RBM20: variants seen among roughly 807,000 people sequenced by gnomAD.
The protein encoded by RBM20 is RNA-binding protein 20.
RBM20 carries 51 observed loss-of-function variants against 110.1 expected under a neutral mutation model. The observed-to-expected ratio is 0.46, with a 90% CI of 0.37 to 0.59. The LOEUF (loss-of-function observed/expected upper bound fraction) is 0.59, where lower values mean the gene tolerates loss of function less well. RBM20 is among the 20% of genes least tolerant of loss of function. The pLI, the probability that RBM20 is intolerant of heterozygous loss-of-function variation, is 0.00. For synonymous variants in RBM20, 589 were observed against 618.2 expected (o/e 0.95, Z 0.70); for missense variants, 1,512 against 1,574.9 (o/e 0.96, Z 0.68).
chr10:110,705,600 A>C (rs1168607440), intron 1 of RBM20, among the ~76,000 whole-genome samples: 1 of 152,256 alleles, frequency 6.6e-6, no homozygotes, highest in African/African-American at 2.4e-5. Flanking sequence ...GCAACTACAA[A>C]TCCAAGAGTT....
intron 1 of RBM20, among the ~76,000 whole-genome samples, chr10:110,684,261 G>A (rs1234328818): frequency 1.3e-5 from 2 of 152,108 alleles, no homozygotes; most frequent in African/African-American, 4.8e-5. Flanking sequence ...CGGGTGTGGT[G>A]GAGCACACCT....
chr10:110,651,538 A>G (rs1861949383), intron 1 of RBM20, among the ~76,000 whole-genome samples: 1 of 152,230 alleles, frequency 6.6e-6, no homozygotes, highest in South Asian at 2.1e-4. Context: ...AGACAGAGAT[A>G]ATAATTTTCA....
chr10:110,657,174 G>A lies in RBM20; in HGVS notation c.191+12529G>A, dbSNP rs186695115. On this transcript the variant is annotated intron_variant, in intron 1 of 13. Coordinates refer to ENST00000369519, the MANE Select transcript of RBM20 (RefSeq NM_001134363.3). ...TGGGACTACAGGCCCATGCCACCAC[G>A]CCTGGCTAATTTTTGTATTTTTAGT... is the stretch of plus-strand genomic sequence containing the variant. 9.9e-5 allele frequency among the ~76,000 whole-genome samples: 15 copies of A among 151,974 alleles called. No homozygotes were observed. In the East Asian group the frequency reaches 2.1e-3, roughly 22 times the overall value.
At chr10:110,807,253 GA>G (rs1844706008) in intron 7 of RBM20, among the ~76,000 whole-genome samples, 1 of 152,192 alleles carries the variant, frequency 6.6e-6, no homozygotes, top group African/African-American at 2.4e-5. Context: ...CCTCACTGGG[GA>G]CCTGGGATCC....
At chr10:110,761,072 G>C (rs1388136621) in intron 1 of RBM20, 1 of 142,580 alleles carries the variant, frequency 7.0e-6, no homozygotes, top group Non-Finnish European at 1.5e-5. Flanking sequence ...ACTCCAGCCT[G>C]GGCAACAAGA....
chr10:110,802,838 A>G (rs1382051683), intron 7 of RBM20, among the ~76,000 whole-genome samples: 1 of 152,218 alleles, frequency 6.6e-6, no homozygotes, highest in African/African-American at 2.4e-5. Flanking sequence ...CAACCATGTG[A>G]CCTATCCTAG....
At chr10:110,784,939 T>C in intron 5 of RBM20, 50 bp downstream of exon 5, 1 of 1,203,796 alleles carries the variant, frequency 8.3e-7, no homozygotes, top group Non-Finnish European at 1.2e-6. Flanking sequence ...GATTATTAGT[T>C]TATTTATTTG....
intron 1 of RBM20, among the ~76,000 whole-genome samples, chr10:110,752,947 T>TATATATATA (rs1564835271): frequency 7.1e-4 from 65 of 91,548 alleles, no homozygotes; most frequent in African/African-American, 2.6e-3. Context: ...ATATATATAT[T>TATATATATA]TTTTTTTTTT....
At chr10:110,648,058 T>C (rs1047065090) in intron 1 of RBM20, among the ~76,000 whole-genome samples, 22 of 152,376 alleles carry the variant, frequency 1.4e-4, no homozygotes, top group Non-Finnish European at 3.2e-4. Flanking sequence ...TCAGGTTGCA[T>C]ATTTAATTTG....
chr10:110,700,070 A>G (rs1336029357), intron 1 of RBM20, among the ~76,000 whole-genome samples: 1 of 152,158 alleles, frequency 6.6e-6, no homozygotes, highest in Admixed American at 6.5e-5. Flanking sequence ...TTATTTCTGG[A>G]ATTTTCCATG....
intron 1 of RBM20, among the ~76,000 whole-genome samples, chr10:110,766,318 T>G (rs202074752): frequency 4.7e-5 from 7 of 149,182 alleles, no homozygotes; most frequent in South Asian, 2.1e-4. Flanking sequence ...ACTTTGTTTT[T>G]TTTTTTGTTT....
chr10:110,788,197 A>G (rs1449504969), intron 5 of RBM20, among the ~76,000 whole-genome samples: 1 of 152,088 alleles, frequency 6.6e-6, no homozygotes, highest in African/African-American at 2.4e-5. Context: ...CCTCCTCTTT[A>G]GTAAGCCCCT....
chr10:110,824,753 C>T (rs1420297467), intron 12 of RBM20, among the ~76,000 whole-genome samples: 5 of 152,206 alleles, frequency 3.3e-5, no homozygotes, highest in Admixed American at 6.5e-5. Flanking sequence ...TTTGAGTCCC[C>T]TCGCATTAGC....
At chr10:110,784,720 G>C in intron 4 of RBM20, 72 bp from the exon 5 acceptor site, 2 of 992,084 alleles carry the variant, frequency 2.0e-6, no homozygotes, top group African/African-American at 1.6e-5. Flanking sequence ...TTCTATGCCT[G>C]CTTATGTCCT....
chr10:110,725,537 T>A (rs937102366), intron 1 of RBM20, among the ~76,000 whole-genome samples: 3 of 152,230 alleles, frequency 2.0e-5, no homozygotes, highest in Non-Finnish European at 2.9e-5. Context: ...TTATTTAGAT[T>A]GATGAACTTT....
chr10:110,832,630 C>T (rs544452382), intron 13 of RBM20, among the ~76,000 whole-genome samples: 60 of 152,174 alleles, frequency 3.9e-4, no homozygotes, highest in Non-Finnish European at 6.3e-4. Flanking sequence ...TCCAAGTCCA[C>T]ACAGATGGTG....
chr10:110,792,165 ATC>A (rs1844492230), intron 5 of RBM20, among the ~76,000 whole-genome samples: 4 of 151,660 alleles, frequency 2.6e-5, no homozygotes, highest in Admixed American at 6.6e-5. Context: ...CTATCTATCT[ATC>A]TATCTATCTA....
At chr10:110,643,964 G>T (rs979414366), upstream of RBM20, among the ~76,000 whole-genome samples, 75 of 152,170 alleles carry the variant, frequency 4.9e-4, no homozygotes, top group African/African-American at 1.8e-3. Flanking sequence ...CGCGCGCACC[G>T]TCCCCAGGGA....
chr10:110,657,882 C>T (rs979852089), intron 1 of RBM20, among the ~76,000 whole-genome samples: 2 of 152,190 alleles, frequency 1.3e-5, no homozygotes, highest in Non-Finnish European at 2.9e-5. Context: ...AAATATTGTA[C>T]ATAAGAATCA....
Sources: gnomAD v4.1 joint callset for allele counts (sites outside exome capture counted in the v4.1 genomes callset) on GRCh38, gnomAD v4.1.1 for gene constraint, MANE v1.5 for transcripts, NCBI Gene and HGNC (gene_info 2026-07-23, HGNC 2026-07-21) for gene names.